Variants in STPG2 observed in about 807,000 individuals in gnomAD.
STPG2 encodes the protein sperm-tail PG-rich repeat-containing protein 2.
Under a neutral mutation model 54.2 loss-of-function variants are expected in STPG2, and 56 were observed. The ratio of observed to expected loss-of-function variants is 1.03; its 90% CI spans 0.83 to 1.29. STPG2 has a LOEUF of 1.29. STPG2 is among the 50% of genes most tolerant of loss of function. STPG2 has a pLI of 0.00. For synonymous variants in STPG2, 200 were observed against 181.8 expected (o/e 1.10, Z -0.81); for missense variants, 596 against 544.9 (o/e 1.09, Z -0.93).
At chr4:97,608,337 TA>T (rs1026853180) in intron 10 of STPG2, among the ~76,000 whole-genome samples, 2 of 151,446 alleles carry the variant, frequency 1.3e-5, no homozygotes, top group Non-Finnish European at 2.9e-5. Flanking sequence ...CCTAACTGAT[TA>T]AAAAAAAATT....
intron 4 of STPG2, among the ~76,000 whole-genome samples, chr4:97,468,539 G>A (rs1213437664): frequency 6.6e-6 from 1 of 151,920 alleles, no homozygotes; most frequent in Non-Finnish European, 1.5e-5. Context: ...ATTCCTAAAT[G>A]TATTGCATGC....
chr4:97,570,731 T>C (rs1732578526), intron 10 of STPG2, among the ~76,000 whole-genome samples: 2 of 152,156 alleles, frequency 1.3e-5, no homozygotes, highest in African/African-American at 4.8e-5. Flanking sequence ...CCCAAGTTGC[T>C]GCCTCAACAG....
intron 8 of STPG2, among the ~76,000 whole-genome samples, chr4:97,884,168 G>A (rs1417130215): frequency 2.0e-5 from 3 of 152,064 alleles, no homozygotes; most frequent in Non-Finnish European, 2.9e-5. Flanking sequence ...GCACATTCAC[G>A]GGTAATTGCA....
chr4:98,017,842 T>C (rs1267069609), intron 5 of STPG2, among the ~76,000 whole-genome samples: 2 of 152,048 alleles, frequency 1.3e-5, no homozygotes, highest in Non-Finnish European at 2.9e-5. Flanking sequence ...TATCTGATGG[T>C]TTTAAAAGTG....
At chr4:97,556,043 G>A (rs1732069818), downstream of STPG2, among the ~76,000 whole-genome samples, 1 of 152,120 alleles carries the variant, frequency 6.6e-6, no homozygotes, top group South Asian at 2.1e-4. Flanking sequence ...CTTAAGATTT[G>A]AGTACAATTT....
intron 8 of STPG2, among the ~76,000 whole-genome samples, chr4:97,895,511 C>A (rs1182876696): frequency 6.6e-6 from 1 of 151,762 alleles, no homozygotes; most frequent in East Asian, 1.9e-4. Context: ...TTGACATGTA[C>A]TTATCTCATA....
intron 6 of STPG2, among the ~76,000 whole-genome samples, chr4:97,977,673 T>C (rs2149260887): frequency 6.6e-6 from 1 of 152,268 alleles, no homozygotes; most frequent in African/African-American, 2.4e-5. Flanking sequence ...TTCCACTCCA[T>C]GCATTGGTCA....
intron 4 of STPG2, among the ~76,000 whole-genome samples, chr4:97,541,892 T>C (rs909271928): frequency 2.6e-5 from 4 of 152,150 alleles, no homozygotes; most frequent in African/African-American, 9.7e-5. Flanking sequence ...ATTTAACAAA[T>C]GGTGATGGGA....
intron 9 of STPG2, among the ~76,000 whole-genome samples, chr4:97,809,674 T>A (rs1260786596): frequency 6.6e-6 from 1 of 152,204 alleles, no homozygotes; most frequent in African/African-American, 2.4e-5. Context: ...CATGGACTTC[T>A]GTCCTAAAGA....
chr4:97,474,745 C>T (rs190291546), intron 4 of STPG2, among the ~76,000 whole-genome samples: 7 of 151,696 alleles, frequency 4.6e-5, no homozygotes, highest in African/African-American at 1.7e-4. Context: ...AGAAAAAAAA[C>T]CCCACAGAGC....
chr4:97,994,367 G>A (rs1735128748), intron 5 of STPG2, among the ~76,000 whole-genome samples: 1 of 152,154 alleles, frequency 6.6e-6, no homozygotes, highest in Non-Finnish European at 1.5e-5. Flanking sequence ...AATTTGTTGA[G>A]ACTTTTTTTG....
intron 4 of STPG2, among the ~76,000 whole-genome samples, chr4:97,478,661 ACT>A (rs1221142782): frequency 1.3e-5 from 2 of 151,808 alleles, no homozygotes; most frequent in Non-Finnish European, 2.9e-5. Context: ...AATGAAATTA[ACT>A]CTATGATAAG....
intron 5 of STPG2, among the ~76,000 whole-genome samples, chr4:97,999,522 G>A (rs1735346291): frequency 6.6e-6 from 1 of 152,166 alleles, no homozygotes; most frequent in African/African-American, 2.4e-5. Flanking sequence ...AGCCAACATG[G>A]CAAAACCCCA....
At chr4:98,037,601 A>G (rs1239231590) in intron 5 of STPG2, among the ~76,000 whole-genome samples, 1 of 152,072 alleles carries the variant, frequency 6.6e-6, no homozygotes, top group Non-Finnish European at 1.5e-5. Context: ...AAGGAAAAAA[A>G]GAAAGGGAAA....
intron 10 of STPG2, among the ~76,000 whole-genome samples, chr4:97,652,961 T>C (rs1250618858): frequency 1.3e-5 from 2 of 151,988 alleles, no homozygotes; most frequent in Admixed American, 6.6e-5. Flanking sequence ...TGATTCCTCA[T>C]ATACCTTTAG....
intron 8 of STPG2, among the ~76,000 whole-genome samples, chr4:97,846,567 G>A (rs1423051425): frequency 6.8e-6 from 1 of 146,772 alleles, no homozygotes; most frequent in East Asian, 2.0e-4. Context: ...AGAGGTTGCA[G>A]TGAGCCGAGA....
intron 3 of STPG2, among the ~76,000 whole-genome samples, chr4:98,116,911 T>C (rs1412080543): frequency 6.6e-6 from 1 of 152,066 alleles, no homozygotes; most frequent in Non-Finnish European, 1.5e-5. Context: ...AATATCTGCC[T>C]ACTACTGTAT....
chr4:98,034,679 C>T (rs1416939979), intron 5 of STPG2, among the ~76,000 whole-genome samples: 3 of 152,116 alleles, frequency 2.0e-5, no homozygotes, highest in Admixed American at 2.0e-4. Flanking sequence ...GGAGGCATCA[C>T]GCTACCTGAC....
chr4:97,959,279 C>A (rs775728492), intron 7 of STPG2, among the ~76,000 whole-genome samples: 6 of 151,784 alleles, frequency 4.0e-5, no homozygotes, highest in Non-Finnish European at 5.9e-5. Context: ...TAAAAGAGCA[C>A]AAACAGACAA....
Sources: gnomAD v4.1 joint callset for allele counts (sites outside exome capture counted in the v4.1 genomes callset) on GRCh38, gnomAD v4.1.1 for gene constraint, MANE v1.5 for transcripts, NCBI Gene and HGNC (gene_info 2026-07-23, HGNC 2026-07-21) for gene names.